HMBOX1: variants seen among roughly 807,000 people sequenced by gnomAD.
HMBOX1 encodes the protein homeobox-containing protein 1.
Under a neutral mutation model 54.5 loss-of-function variants are expected in HMBOX1, and 14 were observed. That is an observed-to-expected ratio of 0.26 (90% confidence interval 0.17 to 0.40). HMBOX1 has a LOEUF of 0.40. HMBOX1 is among the 10% of genes least tolerant of loss of function. HMBOX1 has a pLI of 1.00. For missense variants in HMBOX1, 332 were observed against 514.4 expected (o/e 0.65, Z 3.43); for synonymous variants, 160 against 181.0 (o/e 0.88, Z 0.93).
chr8:28,933,769 C>G (rs1819905401), intron 1 of HMBOX1, among the ~76,000 whole-genome samples: 1 of 152,158 alleles, frequency 6.6e-6, no homozygotes, highest in Non-Finnish European at 1.5e-5. Flanking sequence ...CTGAAAACCC[C>G]TATTAAAGTC....
At chr8:28,973,005 C>T (rs1827683792) in intron 3 of HMBOX1, among the ~76,000 whole-genome samples, 1 of 152,092 alleles carries the variant, frequency 6.6e-6, no homozygotes, top group African/African-American at 2.4e-5. Flanking sequence ...TAGAACTGCT[C>T]CTTTGGGTTC....
chr8:28,970,119 C>T lies in HMBOX1; in HGVS notation c.100C>T (p.Arg34Trp), dbSNP rs561779767. The change falls in exon 3 of 10, where the codon CGG becomes TGG. Residue 34 changes from arginine (R) to tryptophan (W), a missense_variant. By Grantham distance (101) the Arg-to-Trp change is moderately radical. This residue lies in a region of HMBOX1 where 146 missense variants were observed against 173.3 expected (regional missense o/e 0.84). Coordinates refer to ENST00000287701, the MANE Select transcript of HMBOX1 (RefSeq NM_001135726.3). This position sits in a 1 kb window ranked among gnomAD's most constrained non-coding sequence, Gnocchi z 4.3. ...IEQIDLLQRL[R>W]RTGMTKHEIL... The stretch of plus-strand genomic sequence containing the variant: ...GCAGATAGATCTGCTTCAGCGACTT[C>T]GGCGTACTGGAATGACTAAACATGA... The T allele has an allele frequency of 8.7e-6, 14 of 1,614,078 alleles. No individual in the cohort carries two copies. Among genetic ancestry groups the T allele is most frequent in the Middle Eastern group, 1.6e-4 (1 of 6,062 alleles).
chr8:29,030,179 G>T (rs1400997061), intron 6 of HMBOX1, among the ~76,000 whole-genome samples: 11 of 136,992 alleles, frequency 8.0e-5, no homozygotes, highest in Non-Finnish European at 1.4e-4. Flanking sequence ...TTAGGTTCCA[G>T]TTTTTTTTTT....
upstream of HMBOX1, chr8:28,890,196 C>G: frequency 2.6e-6 from 1 of 387,178 alleles, no homozygotes; most frequent in Middle Eastern, 8.2e-4. Context: ...GCCTGGGGCC[C>G]ATGGTGTTCT....
chr8:28,942,770 T>A (rs1821684630), intron 1 of HMBOX1, among the ~76,000 whole-genome samples: 1 of 152,170 alleles, frequency 6.6e-6, no homozygotes, highest in Admixed American at 6.5e-5. Context: ...AATGGTGGCA[T>A]TTAGGGTGTT....
intron 1 of HMBOX1, among the ~76,000 whole-genome samples, chr8:28,917,698 A>G (rs1403206770): frequency 6.6e-6 from 1 of 152,136 alleles, no homozygotes; most frequent in African/African-American, 2.4e-5. Context: ...GATGCCATTT[A>G]TCAGTTTAAG....
At chr8:28,947,134 G>A (rs919977655) in intron 1 of HMBOX1, among the ~76,000 whole-genome samples, 8 of 152,232 alleles carry the variant, frequency 5.3e-5, no homozygotes, top group East Asian at 3.9e-4. Flanking sequence ...GATGGAGAGC[G>A]TTTTTTCATG....
At chr8:29,050,130 A>G in intron 9 of HMBOX1, 1 of 445,348 alleles carries the variant, frequency 2.2e-6, no homozygotes, top group Non-Finnish European at 3.0e-6. Context: ...ACATAGATGG[A>G]TCATTTCCAT....
intron 4 of HMBOX1, among the ~76,000 whole-genome samples, chr8:29,008,581 C>T (rs1056192308): frequency 6.6e-6 from 1 of 152,070 alleles, no homozygotes; most frequent in Non-Finnish European, 1.5e-5. Context: ...TTATTGAAGA[C>T]AGTATTTTCA....
intron 1 of HMBOX1, among the ~76,000 whole-genome samples, chr8:28,906,799 C>T (rs769810726): frequency 2.6e-5 from 4 of 152,094 alleles, no homozygotes; most frequent in Non-Finnish European, 5.9e-5. Context: ...CCATATTGAA[C>T]CAGGCTTGTC....
At chr8:28,904,339 G>A (rs145893645) in intron 1 of HMBOX1, among the ~76,000 whole-genome samples, 4 of 148,498 alleles carry the variant, frequency 2.7e-5, no homozygotes, top group Admixed American at 1.4e-4. Flanking sequence ...CCTCCGCCTC[G>A]CGGGTTCAAG....
At chr8:29,025,551 T>C (rs1446281607) in intron 6 of HMBOX1, among the ~76,000 whole-genome samples, 1 of 152,224 alleles carries the variant, frequency 6.6e-6, no homozygotes, top group Non-Finnish European at 1.5e-5. Context: ...CTCATAACCA[T>C]TGTTAGACCA....
chr8:28,894,000 C>T (rs990397190), intron 1 of HMBOX1, among the ~76,000 whole-genome samples: 9 of 152,110 alleles, frequency 5.9e-5, no homozygotes, highest in South Asian at 2.1e-4. Flanking sequence ...GTTGGCATAC[C>T]ACTCAACTTT....
chr8:28,954,722 T>C (rs978141131), intron 1 of HMBOX1, among the ~76,000 whole-genome samples: 18 of 152,196 alleles, frequency 1.2e-4, no homozygotes, highest in Non-Finnish European at 1.8e-4. Context: ...ATACTGCTAG[T>C]GTTTTACCCT....
chr8:29,022,262 CA>C (rs1801302181), intron 6 of HMBOX1, among the ~76,000 whole-genome samples: 1 of 151,270 alleles, frequency 6.6e-6, no homozygotes, highest in African/African-American at 2.4e-5. Flanking sequence ...ATAAAAAATA[CA>C]AAAAATTAGC....
intron 4 of HMBOX1, among the ~76,000 whole-genome samples, chr8:28,984,080 T>C (rs1252099249): frequency 2.0e-5 from 3 of 152,208 alleles, no homozygotes; most frequent in South Asian, 2.1e-4. Flanking sequence ...TTGGTCTAAC[T>C]TAGGTTAGAG....
At chr8:29,019,853 G>A (rs1453763565) in intron 6 of HMBOX1, among the ~76,000 whole-genome samples, 2 of 152,206 alleles carry the variant, frequency 1.3e-5, no homozygotes, top group African/African-American at 4.8e-5. Context: ...ACCTGAAAGA[G>A]AGGGAGATTT....
intron 4 of HMBOX1, among the ~76,000 whole-genome samples, chr8:28,998,600 GTCT>G (rs1332422330): frequency 6.6e-6 from 1 of 151,954 alleles, no homozygotes; most frequent in African/African-American, 2.4e-5. Context: ...GCCAATCTCT[GTCT>G]TCTTATTGGA....
At chr8:28,906,616 G>A (rs1031304406) in intron 1 of HMBOX1, among the ~76,000 whole-genome samples, 1 of 152,068 alleles carries the variant, frequency 6.6e-6, no homozygotes, top group Non-Finnish European at 1.5e-5. Flanking sequence ...TTGAGACAGA[G>A]TCTCACTCTG....
Sources: allele counts gnomAD v4.1 joint callset (sites outside exome capture counted in the v4.1 genomes callset), GRCh38; gene constraint gnomAD v4.1.1; regional missense constraint gnomAD v4.1.1; non-coding constraint Gnocchi (gnomAD v3.1); transcripts MANE v1.5; gene names NCBI Gene and HGNC (gene_info 2026-07-23, HGNC 2026-07-21).